Variants in MTUS2 observed in about 807,000 individuals in gnomAD.
MTUS2 encodes the protein microtubule associated scaffold protein 2, also known as microtubule-associated tumor suppressor candidate 2.
A neutral mutation model predicts 114.1 loss-of-function variants in MTUS2; 40 were observed. That is an observed-to-expected ratio of 0.35 (90% CI 0.27 to 0.46). The LOEUF is 0.46. Among genes scored for constraint, MTUS2 ranks in the 20% least tolerant of loss-of-function variants. MTUS2 has a pLI of 1.00. For synonymous variants in MTUS2, 688 were observed against 672.0 expected (o/e 1.02, Z -0.37); for missense variants, 1,679 against 1,705.4 (o/e 0.98, Z 0.27).
At chr13:29,399,646 A>G (rs1174293317) in intron 8 of MTUS2, among the ~76,000 whole-genome samples, 1 of 152,184 alleles carries the variant, frequency 6.6e-6, no homozygotes, top group African/African-American at 2.4e-5. Flanking sequence ...AGAAAGGAAA[A>G]ATATCAAAGA....
intron 2 of MTUS2, among the ~76,000 whole-genome samples, chr13:28,992,417 C>T (rs922900282): frequency 6.6e-6 from 1 of 152,186 alleles, no homozygotes; most frequent in African/African-American, 2.4e-5. Context: ...AAGGAGGGAA[C>T]GAGCACTTGC....
At chr13:29,348,560 A>G (rs905745871) in intron 7 of MTUS2, among the ~76,000 whole-genome samples, 14 of 152,212 alleles carry the variant, frequency 9.2e-5, no homozygotes, top group African/African-American at 3.1e-4. Context: ...ATGTTCTACA[A>G]ATGTCATAGG....
At chr13:29,248,690 A>G (rs1055132989) in intron 5 of MTUS2, among the ~76,000 whole-genome samples, 3 of 152,094 alleles carry the variant, frequency 2.0e-5, no homozygotes, top group Non-Finnish European at 4.4e-5. Flanking sequence ...ATGTGTTCTC[A>G]TCGTTCATCT....
At chr13:29,231,031 A>G (rs1191968362) in intron 5 of MTUS2, among the ~76,000 whole-genome samples, 1 of 152,182 alleles carries the variant, frequency 6.6e-6, no homozygotes, top group Non-Finnish European at 1.5e-5. Context: ...ACCATGTTGT[A>G]CATCTGATCC....
chr13:29,139,554 A>G (rs1892127397), intron 5 of MTUS2, among the ~76,000 whole-genome samples: 1 of 103,318 alleles, frequency 9.7e-6, no homozygotes, highest in South Asian at 3.6e-4. Context: ...ATGTCTGTTG[A>G]TGGACTTTGT....
At position 29,480,001 on chromosome 13, in the gene MTUS2, A is replaced by C. The variant is rs1881029429; in HGVS notation, c.3185-149A>C. The C allele has an allele frequency of 9.9e-6, 7 of 703,988 alleles. No individual in the cohort carries two copies. In the South Asian group the frequency reaches 1.5e-4, roughly 15 times the overall value. The allele number at this position is 703,988 out of a possible 1,614,324, so 43.6% of individuals were successfully genotyped here. ...TGAGGATCTAATGGGTGGAAAGGAA[A>C]GCACTTTACAAACTGTGTAGCCCTG... On this transcript the variant is annotated intron_variant, in intron 9 of 15. Transcript: ENST00000612955. This position sits in a 1 kb window ranked among gnomAD's most constrained non-coding sequence, Gnocchi z 4.4.
At chr13:28,989,181 G>C (rs891761008) in intron 2 of MTUS2, among the ~76,000 whole-genome samples, 4 of 152,150 alleles carry the variant, frequency 2.6e-5, no homozygotes, top group Non-Finnish European at 4.4e-5. Flanking sequence ...CTAGTGGAGT[G>C]CTGGGAGCTG....
At chr13:28,941,713 A>G (rs1376606967) in intron 2 of MTUS2, among the ~76,000 whole-genome samples, 2 of 150,854 alleles carry the variant, frequency 1.3e-5, no homozygotes, top group Non-Finnish European at 2.9e-5. Context: ...ATCATTGTGA[A>G]TATTCTTTGG....
chr13:29,250,335 C>T (rs973157144), intron 5 of MTUS2: 1 of 152,064 alleles, frequency 6.6e-6, no homozygotes, highest in African/African-American at 2.4e-5. Flanking sequence ...ACATGAGTTT[C>T]AGTATCAGCA....
At chr13:29,057,691 A>G (rs1172591317) in intron 4 of MTUS2, among the ~76,000 whole-genome samples, 8 of 152,010 alleles carry the variant, frequency 5.3e-5, no homozygotes, top group Non-Finnish European at 1.0e-4. Flanking sequence ...TGTGGATTTC[A>G]TTACATCTGA....
At chr13:29,268,744 C>T (rs1032720435) in intron 5 of MTUS2, among the ~76,000 whole-genome samples, 2 of 152,072 alleles carry the variant, frequency 1.3e-5, no homozygotes, top group African/African-American at 4.8e-5. Context: ...TTCTTGGAGG[C>T]AGGGTCTCTC....
At chr13:29,418,629 C>T (rs1174961447) in intron 8 of MTUS2, among the ~76,000 whole-genome samples, 1 of 152,190 alleles carries the variant, frequency 6.6e-6, no homozygotes, top group East Asian at 1.9e-4. Context: ...TTGAGTGCCT[C>T]CACCTGGCCC....
At chr13:29,344,412 T>C (rs755612072) in intron 7 of MTUS2, among the ~76,000 whole-genome samples, 3 of 152,196 alleles carry the variant, frequency 2.0e-5, no homozygotes, top group Non-Finnish European at 2.9e-5. Context: ...TGTTCCTCTT[T>C]GTCTTTTTTA....
At chr13:29,011,360 C>T (rs1225074528) in intron 2 of MTUS2, among the ~76,000 whole-genome samples, 2 of 152,168 alleles carry the variant, frequency 1.3e-5, no homozygotes, top group African/African-American at 4.8e-5. Flanking sequence ...AGACAGTTTT[C>T]CCCCCTTGCA....
intron 9 of MTUS2, among the ~76,000 whole-genome samples, chr13:29,470,945 A>T (rs909678468): frequency 3.3e-5 from 5 of 152,098 alleles, no homozygotes; most frequent in African/African-American, 1.2e-4. Flanking sequence ...AGCCTTCTTT[A>T]TCCACCCCAG....
rs1040498426 is a variant in MTUS2, at chr13:29,177,009, C to G, written c.2644+76039C>G. ...TTGAGGTTTCTTCCATGCCAGTATACCTGGATGGGGAGAGATGGGTCATCT... is the reference window on the plus strand; with the variant it reads ...TTGAGGTTTCTTCCATGCCAGTATAGCTGGATGGGGAGAGATGGGTCATCT... On this transcript the variant is annotated intron_variant, in intron 5 of 15. Transcript: ENST00000612955. 3.3e-5 allele frequency among the ~76,000 whole-genome samples: 5 copies of G among 151,030 alleles called. 1 individual carries two copies. The highest frequency in any genetic ancestry group is 3.3e-4 in the Admixed American group (5 of 15,238).
chr13:29,026,956 T>C, intron 3 of MTUS2, 53 bp downstream of exon 3: 1 of 1,469,932 alleles, frequency 6.8e-7, no homozygotes, highest in Non-Finnish European at 9.1e-7. Flanking sequence ...CCAATATCTG[T>C]GACATATTTT....
chr13:29,257,239 A>G (rs1288392063), intron 5 of MTUS2, among the ~76,000 whole-genome samples: 1 of 152,086 alleles, frequency 6.6e-6, no homozygotes, highest in Non-Finnish European at 1.5e-5. Context: ...TTTATTGAAA[A>G]CTTGCGGTGG....
chr13:28,941,328 T>A (rs2758216), intron 2 of MTUS2, among the ~76,000 whole-genome samples: 115,678 of 151,968 alleles, frequency 0.76, 48,476 homozygotes, highest in Non-Finnish European at 0.95. Context: ...TATGTGTTTA[T>A]ACACTGTAAT....
Sources: gnomAD v4.1 joint callset for allele counts (sites outside exome capture counted in the v4.1 genomes callset) on GRCh38, gnomAD v4.1.1 for gene constraint, Gnocchi (gnomAD v3.1) non-coding constraint, MANE v1.5 for transcripts, NCBI Gene and HGNC (gene_info 2026-07-23, HGNC 2026-07-21) for gene names.